PRKN: variants seen among roughly 807,000 people sequenced by gnomAD.
PRKN encodes parkin RBR E3 ubiquitin protein ligase.
In PRKN, 56 loss-of-function variants were observed where a neutral mutation model predicts 59.5. The ratio of observed to expected loss-of-function variants is 0.94; its 90% confidence interval spans 0.76 to 1.18. The LOEUF (loss-of-function observed/expected upper bound fraction) is 1.18. Ranked by LOEUF, PRKN falls within the 50% of genes most tolerant of loss-of-function variation. The pLI is 0.00. For missense variants in PRKN, 657 were observed against 596.4 expected (o/e 1.10, Z -1.06); for synonymous variants, 250 against 222.1 (o/e 1.13, Z -1.12).
chr6:161,833,144 G>C (rs564147484), intron 6 of PRKN, among the ~76,000 whole-genome samples: 85 of 152,236 alleles, frequency 5.6e-4, no homozygotes, highest in African/African-American at 2.0e-3. Context: ...CGCTCTAAGA[G>C]ATGGTGCCCA....
chr6:161,826,333 C>T (rs1562320182), intron 6 of PRKN, among the ~76,000 whole-genome samples: 1 of 152,000 alleles, frequency 6.6e-6, no homozygotes, highest in Non-Finnish European at 1.5e-5. Context: ...AAAATGATAG[C>T]ATAAAAATGA....
At position 162,092,335 on chromosome 6, in the gene PRKN, C is replaced by CA. The variant is rs1413809399; in HGVS notation, c.535-38162dup. 2.0e-5 allele frequency among the ~76,000 whole-genome samples: 3 copies of CA among 151,654 alleles called. No homozygotes were observed. In the East Asian group the frequency reaches 5.8e-4, roughly 29 times the overall value. Reference sequence around the variant, plus strand: ...CGTCATTGCGCTCCAGCGTGGGTGACAGAGTGAGTCTAATGAAAAAATAAA... The same window carrying CA: ...CGTCATTGCGCTCCAGCGTGGGTGACAAGAGTGAGTCTAATGAAAAAATAAA... On this transcript the variant is annotated intron_variant, in intron 4 of 11. Transcript: ENST00000366898.
At chr6:162,395,043 C>T (rs1387845459) in intron 2 of PRKN, among the ~76,000 whole-genome samples, 3 of 152,118 alleles carry the variant, frequency 2.0e-5, no homozygotes, top group African/African-American at 7.2e-5. Flanking sequence ...AGTGAACCCC[C>T]ATTTAAAAGA....
intron 7 of PRKN, among the ~76,000 whole-genome samples, chr6:161,756,888 T>C (rs1788949785): frequency 6.6e-6 from 1 of 152,170 alleles, no homozygotes; most frequent in African/African-American, 2.4e-5. Flanking sequence ...GGCATACAGA[T>C]ACCCAGATAG....
Position 161,352,742 on chromosome 6 carries a change from T to G in PRKN, c.1286-2531A>C, listed in dbSNP as rs1784599161. On this transcript the variant is annotated intron_variant, in intron 11 of 11. Transcript: ENST00000366898. This position sits in a 1 kb window ranked among gnomAD's most constrained non-coding sequence, Gnocchi z 5.8. ...TGTATGAAGAGTGTGTGTGTGTGTGTGTGTGTGTGTGTGTATATATATATA... is the reference window on the plus strand; with the variant it reads ...TGTATGAAGAGTGTGTGTGTGTGTGGGTGTGTGTGTGTGTATATATATATA... 7.2e-6 allele frequency among the ~76,000 whole-genome samples: 1 copy of G among 139,084 alleles called. No individual in the cohort carries two copies. Among genetic ancestry groups the G allele is most frequent in the African/African-American group, 2.9e-5 (1 of 34,322 alleles). 91.2% of individuals were successfully genotyped at this position (139,084 alleles called of 152,430 possible).
At chr6:162,701,360 A>G (rs1315211581) in intron 1 of PRKN, among the ~76,000 whole-genome samples, 1 of 152,140 alleles carries the variant, frequency 6.6e-6, no homozygotes, top group Non-Finnish European at 1.5e-5. Flanking sequence ...AAATTAATTA[A>G]GATAATCAAT....
At chr6:161,964,869 G>A (rs527624975) in intron 6 of PRKN, among the ~76,000 whole-genome samples, 3 of 152,142 alleles carry the variant, frequency 2.0e-5, no homozygotes, top group Admixed American at 6.5e-5. Flanking sequence ...TTGATGGAAA[G>A]TAGCTATTGG....
At chr6:162,127,698 T>C (rs1048121783) in intron 4 of PRKN, among the ~76,000 whole-genome samples, 4 of 152,204 alleles carry the variant, frequency 2.6e-5, no homozygotes, top group African/African-American at 9.6e-5. Context: ...GCCCATTACT[T>C]TGAATAACAC....
chr6:162,654,631 A>T (rs1778569954), intron 1 of PRKN, among the ~76,000 whole-genome samples: 1 of 152,202 alleles, frequency 6.6e-6, no homozygotes, highest in African/African-American at 2.4e-5. Flanking sequence ...CATTCAAGAG[A>T]AAACAATTTT....
At chr6:162,499,233 AAT>A (rs1334738048) in intron 1 of PRKN, among the ~76,000 whole-genome samples, 3 of 152,146 alleles carry the variant, frequency 2.0e-5, no homozygotes, top group Admixed American at 1.3e-4. Flanking sequence ...CTCTGCAAGG[AAT>A]AGTTTTCTTC....
At chr6:161,804,459 C>T (rs1245194470) in intron 6 of PRKN, among the ~76,000 whole-genome samples, 3 of 152,178 alleles carry the variant, frequency 2.0e-5, no homozygotes, top group Admixed American at 6.5e-5. Context: ...CCTGCAAGGA[C>T]ATCTGAAATC....
At chr6:161,869,696 C>G (rs1794266732) in intron 6 of PRKN, among the ~76,000 whole-genome samples, 1 of 152,148 alleles carries the variant, frequency 6.6e-6, no homozygotes, top group Non-Finnish European at 1.5e-5. Context: ...TCTTAATCAC[C>G]AAGCCTTGTG....
intron 1 of PRKN, among the ~76,000 whole-genome samples, chr6:162,473,872 T>C (rs1791877761): frequency 6.6e-6 from 1 of 152,154 alleles, no homozygotes; most frequent in Admixed American, 6.5e-5. Context: ...AAACATCAAA[T>C]ATGAATTCAT....
intron 4 of PRKN, among the ~76,000 whole-genome samples, chr6:162,179,450 G>A (rs958099898): frequency 2.0e-5 from 3 of 152,086 alleles, no homozygotes; most frequent in Non-Finnish European, 4.4e-5. Flanking sequence ...CAGAGCCACC[G>A]GCAGCTGCTG....
In PRKN at chr6:161,473,363, T is replaced by C. The variant is rs1248751168; in HGVS notation, c.1083+75491A>G. 1.3e-5 allele frequency among the ~76,000 whole-genome samples: 2 copies of C among 150,118 alleles called. No individual in the cohort carries two copies. The highest frequency in any genetic ancestry group is 4.9e-5 in the African/African-American group (2 of 41,090). On this transcript the variant is annotated intron_variant, in intron 9 of 11. Coordinates refer to ENST00000366898, the MANE Select transcript of PRKN (RefSeq NM_004562.3). The surrounding 1 kb of genome is among the most constrained non-coding windows in gnomAD (Gnocchi z 4.1). ...CTATATATCCATAAATTTATTTATA[T>C]ACATATATATATATAAAATGGAATA...
At chr6:162,039,698 G>T (rs1290039614) in intron 5 of PRKN, among the ~76,000 whole-genome samples, 2 of 152,148 alleles carry the variant, frequency 1.3e-5, no homozygotes, top group Non-Finnish European at 2.9e-5. Context: ...CTCAACCTTA[G>T]GTATTCCTTT....
At chr6:161,839,796 C>A (rs573458241) in intron 6 of PRKN, among the ~76,000 whole-genome samples, 2 of 152,224 alleles carry the variant, frequency 1.3e-5, no homozygotes, top group East Asian at 3.9e-4. Flanking sequence ...CAGGAACACA[C>A]GGAAAAAAGT....
intron 10 of PRKN, among the ~76,000 whole-genome samples, chr6:161,383,879 A>G (rs73021284): frequency 0.068 from 10,381 of 152,308 alleles, 503 homozygotes; most frequent in South Asian, 0.24. Context: ...AAAGACCCCA[A>G]TTAGTTGCTT....
intron 1 of PRKN, among the ~76,000 whole-genome samples, chr6:162,709,032 G>A (rs918685347): frequency 6.6e-6 from 1 of 152,128 alleles, no homozygotes; most frequent in Non-Finnish European, 1.5e-5. Context: ...CTGCATGTGA[G>A]GGATCTAGGC....
Sources: gnomAD v4.1 joint callset for allele counts (sites outside exome capture counted in the v4.1 genomes callset) on GRCh38, gnomAD v4.1.1 for gene constraint, Gnocchi (gnomAD v3.1) non-coding constraint, MANE v1.5 for transcripts, NCBI Gene and HGNC (gene_info 2026-07-23, HGNC 2026-07-21) for gene names.